SUCLG2: variants seen among roughly 807,000 people sequenced by gnomAD.
SUCLG2 encodes the protein succinate-CoA ligase GDP-forming subunit beta, also known as succinate--CoA ligase [GDP-forming] subunit beta, mitochondrial.
In SUCLG2, 42 loss-of-function variants were observed where a neutral mutation model predicts 47.9. The ratio of observed to expected loss-of-function variants is 0.88; its 90% CI spans 0.69 to 1.14. SUCLG2 has a LOEUF of 1.14. SUCLG2 is among the 50% of genes most tolerant of loss of function. SUCLG2 has a pLI of 0.00. For synonymous variants in SUCLG2, 195 were observed against 197.3 expected, an observed-to-expected ratio of 0.99 and a Z score of 0.10; for missense variants, 571 against 525.9, an observed-to-expected ratio of 1.09 and a Z score of -0.84.
At chr3:67,425,394 T>C (rs1703272221) in intron 9 of SUCLG2, among the ~76,000 whole-genome samples, 1 of 152,138 alleles carries the variant, frequency 6.6e-6, no homozygotes, top group African/African-American at 2.4e-5. Context: ...TGGTAAAACA[T>C]TATTTCTGAG....
intron 2 of SUCLG2, among the ~76,000 whole-genome samples, chr3:67,581,144 T>C (rs1206006471): frequency 6.6e-6 from 1 of 152,244 alleles, no homozygotes; most frequent in Non-Finnish European, 1.5e-5. Context: ...TATCTCTGTG[T>C]GCTGATGCAA....
At chr3:67,516,196 CAAATT>C (rs1214344236) in intron 6 of SUCLG2, among the ~76,000 whole-genome samples, 1 of 152,074 alleles carries the variant, frequency 6.6e-6, no homozygotes, top group Non-Finnish European at 1.5e-5. Context: ...AAGAAAAAAA[CAAATT>C]AAAACATTTT....
intron 1 of SUCLG2, among the ~76,000 whole-genome samples, chr3:67,616,630 G>T (rs1014113117): frequency 6.6e-6 from 1 of 152,106 alleles, no homozygotes. Flanking sequence ...AAGCAACATT[G>T]AGAAAAAGAA....
At chr3:67,464,117 T>C (rs1178398283) in intron 9 of SUCLG2, among the ~76,000 whole-genome samples, 1 of 152,212 alleles carries the variant, frequency 6.6e-6, no homozygotes, top group Non-Finnish European at 1.5e-5. Flanking sequence ...CCATTCCTTT[T>C]AGGAGTCCTC....
In SUCLG2 at chr3:67,518,266, A is replaced by G. The variant is rs776813548; in HGVS notation, c.641T>C (p.Val214Ala). The change falls in exon 6 of 11, where the codon GTT becomes GCT. Residue 214 changes from valine to alanine, a missense_variant. Coordinates refer to ENST00000307227, the MANE Select transcript of SUCLG2 (RefSeq NM_003848.4). Reference sequence around the variant, plus strand: ...ATATACCTGGCTTTTCAAAGGCCCAACGAAGCCTAGATTTTCGGCCATCCG... The same window carrying G: ...ATATACCTGGCTTTTCAAAGGCCCAGCGAAGCCTAGATTTTCGGCCATCCG... ...AQRMAENLGF[V>A]GPLKSQAADQ... The G allele has an allele frequency of 1.7e-5, 28 of 1,612,550 alleles. No individual in the cohort carries two copies. The highest frequency in any genetic ancestry group is 2.2e-5 in the Non-Finnish European group (26 of 1,179,086).
At chr3:67,488,431 T>A (rs1282189678) in intron 9 of SUCLG2, among the ~76,000 whole-genome samples, 1 of 152,168 alleles carries the variant, frequency 6.6e-6, no homozygotes, top group Non-Finnish European at 1.5e-5. Flanking sequence ...ATGGGGCACA[T>A]CCCACCAGAC....
intron 9 of SUCLG2, among the ~76,000 whole-genome samples, chr3:67,469,153 G>T (rs941810296): frequency 6.6e-6 from 1 of 152,190 alleles, no homozygotes; most frequent in African/African-American, 2.4e-5. Context: ...TATAAAATGG[G>T]CATGAGGTAG....
chr3:67,638,728 G>A lies in SUCLG2; in HGVS notation c.84+15775C>T, dbSNP rs77643349. Reference sequence around the variant, plus strand: ...TCACGTAGACTTGGGAGTCTGACAGGTGGGTGTTCAAATCCTATCTTGGTC... The same window carrying A: ...TCACGTAGACTTGGGAGTCTGACAGATGGGTGTTCAAATCCTATCTTGGTC... On this transcript the variant is annotated intron_variant, in intron 1 of 10. Transcript: ENST00000307227. Among the ~76,000 whole-genome samples, 1,137 of 152,318 alleles carry A rather than the reference G, an allele frequency of 7.5e-3. 13 individuals are homozygous for A. Among genetic ancestry groups the A allele is most frequent in the African/African-American group, 0.026 (1,066 of 41,572 alleles).
intron 9 of SUCLG2, among the ~76,000 whole-genome samples, chr3:67,446,588 C>G (rs945497791): frequency 6.7e-6 from 1 of 150,302 alleles, no homozygotes; most frequent in South Asian, 2.1e-4. Context: ...TGCCACCACG[C>G]CTGGCTAATT....
chr3:67,410,940 T>C (rs1430530791), intron 9 of SUCLG2, among the ~76,000 whole-genome samples: 1 of 152,226 alleles, frequency 6.6e-6, no homozygotes, highest in Non-Finnish European at 1.5e-5. Context: ...GAATATTTAT[T>C]GGCACATTCT....
chr3:67,576,292 A>C (rs1262916850), intron 2 of SUCLG2, among the ~76,000 whole-genome samples: 2 of 152,154 alleles, frequency 1.3e-5, no homozygotes. Context: ...TTCCTTTATA[A>C]CCTAGCGACT....
At chr3:67,505,773 C>T (rs1197861202) in intron 7 of SUCLG2, among the ~76,000 whole-genome samples, 17 of 152,032 alleles carry the variant, frequency 1.1e-4, no homozygotes, top group Non-Finnish European at 7.4e-5. Context: ...ACCAGCCTGG[C>T]CAACGTGGTG....
At chr3:67,369,338 CTCTT>C (rs1314927444) in intron 10 of SUCLG2, among the ~76,000 whole-genome samples, 1 of 152,156 alleles carries the variant, frequency 6.6e-6, no homozygotes, top group African/African-American at 2.4e-5. Flanking sequence ...TGGCTTACCC[CTCTT>C]TCCTTTACTG....
chr3:67,409,714 T>C (rs1407216917), intron 9 of SUCLG2, among the ~76,000 whole-genome samples: 3 of 152,138 alleles, frequency 2.0e-5, no homozygotes, highest in African/African-American at 7.2e-5. Context: ...GAAATCCAGT[T>C]CACATCCTGC....
intron 1 of SUCLG2, among the ~76,000 whole-genome samples, chr3:67,654,107 C>T (rs1701337849): frequency 6.6e-6 from 1 of 152,214 alleles, no homozygotes; most frequent in Admixed American, 6.5e-5. Flanking sequence ...TAAACGTGCT[C>T]AGGGTTAGTG....
intron 2 of SUCLG2, among the ~76,000 whole-genome samples, chr3:67,586,031 C>T (rs1708011640): frequency 1.3e-5 from 2 of 148,684 alleles, no homozygotes; most frequent in Admixed American, 6.7e-5. Context: ...CAATTATTTT[C>T]CCTGATAGAT....
chr3:67,549,503 T>C (rs1441731670), intron 2 of SUCLG2, among the ~76,000 whole-genome samples: 1 of 152,184 alleles, frequency 6.6e-6, no homozygotes, highest in East Asian at 1.9e-4. Flanking sequence ...CTAAACAAAG[T>C]CTGAAATGAT....
intron 8 of SUCLG2, among the ~76,000 whole-genome samples, 198 bp downstream of exon 8, chr3:67,497,936 G>A (rs1399943482): frequency 6.6e-6 from 1 of 152,178 alleles, no homozygotes; most frequent in Non-Finnish European, 1.5e-5. Context: ...TAGTGCCAGA[G>A]TTGAGAAATT....
intron 1 of SUCLG2, among the ~76,000 whole-genome samples, chr3:67,651,234 T>C (rs776781665): frequency 2.6e-5 from 4 of 152,212 alleles, no homozygotes; most frequent in Non-Finnish European, 4.4e-5. Flanking sequence ...AGCCTCTGTA[T>C]GGTTTAAACC....
Sources: gnomAD v4.1 joint callset for allele counts (sites outside exome capture counted in the v4.1 genomes callset) on GRCh38, gnomAD v4.1.1 for gene constraint, MANE v1.5 for transcripts, NCBI Gene and HGNC (gene_info 2026-07-23, HGNC 2026-07-21) for gene names.